Variants in SETD5 observed in about 807,000 individuals in gnomAD.
The protein encoded by SETD5 is SET domain containing 5, also known as histone-lysine N-methyltransferase SETD5.
A neutral mutation model predicts 153.3 loss-of-function variants in SETD5; 44 were observed. The observed-to-expected ratio is 0.29, with a 90% CI of 0.23 to 0.37. SETD5 has a LOEUF of 0.37. Ranked by LOEUF, SETD5 falls within the 10% of genes least tolerant of loss-of-function variation. SETD5 has a pLI of 1.00. For synonymous variants in SETD5, 716 were observed against 645.2 expected, an observed-to-expected ratio of 1.11 and a Z score of -1.66; for missense variants, 1,544 against 1,768.0, an observed-to-expected ratio of 0.87 and a Z score of 2.27.
At chr3:9,474,724 T>A in intron 21 of SETD5, 142 bp downstream of exon 21, 1 of 1,168,170 alleles carries the variant, frequency 8.6e-7, no homozygotes, top group Non-Finnish European at 1.2e-6. Context: ...AGCCCACTTA[T>A]GCTCATTTGG....
At chr3:9,433,430 C>T in intron 3 of SETD5, 1 of 1,289,906 alleles carries the variant, frequency 7.8e-7, no homozygotes, top group Non-Finnish European at 1.0e-6. Context: ...GCAGAAGGCA[C>T]TTTGATCATC....
At chr3:9,430,422 T>C (rs2039822550) in intron 3 of SETD5, 3 of 834,472 alleles carry the variant, frequency 3.6e-6, no homozygotes, top group Non-Finnish European at 4.3e-6. Flanking sequence ...TCTAGAGCTT[T>C]TTTCTTCTTT....
intron 16 of SETD5, among the ~76,000 whole-genome samples, chr3:9,451,837 T>G (rs1394758673): frequency 6.6e-6 from 1 of 152,194 alleles, no homozygotes; most frequent in African/African-American, 2.4e-5. Context: ...TTTAAAATAT[T>G]TATCCATCTT....
intron 7 of SETD5, chr3:9,436,851 C>G (rs1315115709): frequency 6.5e-7 from 1 of 1,549,992 alleles, no homozygotes; most frequent in Non-Finnish European, 8.7e-7. Context: ...TTGGGATAGG[C>G]ATTTCGAGAG....
intron 1 of SETD5, among the ~76,000 whole-genome samples, chr3:9,406,798 G>T (rs1404693012): frequency 1.3e-5 from 2 of 152,078 alleles, no homozygotes; most frequent in Non-Finnish European, 2.9e-5. Context: ...TTAGGATGGA[G>T]CTAAAAATTA....
intron 1 of SETD5, among the ~76,000 whole-genome samples, chr3:9,407,369 T>C (rs1157163944): frequency 6.6e-6 from 1 of 152,106 alleles, no homozygotes; most frequent in African/African-American, 2.4e-5. Flanking sequence ...ATGCCACTCT[T>C]ACTTAAACCC....
At chr3:9,436,093 A>G (rs1193699663) in intron 7 of SETD5, among the ~76,000 whole-genome samples, 187 bp downstream of exon 7, 10 of 152,070 alleles carry the variant, frequency 6.6e-5, no homozygotes, top group Admixed American at 6.5e-4. Context: ...GCCACACCAT[A>G]TCATCACCAC....
Position 9,473,370 on chromosome 3 carries a change from T to G in SETD5, c.3330T>G (p.Thr1110=). 1 of 1,613,960 alleles carries G rather than the reference T, an allele frequency of 6.2e-7. No homozygotes were observed. Among genetic ancestry groups the G allele is most frequent in the South Asian group, 1.1e-5 (1 of 91,076 alleles). The change falls in exon 20 of 23, where the codon ACT becomes ACG. Residue 1110 remains threonine, a synonymous_variant. Transcript: ENST00000402198. ...GQGSSNSVSD[T]GAHGVQGSSA... is the part of the protein sequence containing the mutation. The stretch of plus-strand genomic sequence containing the variant: ...GCAGCAGTAACTCCGTTTCCGACAC[T>G]GGTGCCCATGGTGTGCAGGGATCCT...
At chr3:9,419,754 G>A (rs1295656683) in intron 1 of SETD5, among the ~76,000 whole-genome samples, 1 of 151,914 alleles carries the variant, frequency 6.6e-6, no homozygotes, top group Non-Finnish European at 1.5e-5. Context: ...TTTGTTCATC[G>A]GTTGGAGAAA....
At chr3:9,414,816 T>C (rs1201306026) in intron 1 of SETD5, among the ~76,000 whole-genome samples, 14 of 145,064 alleles carry the variant, frequency 9.7e-5, no homozygotes, top group Admixed American at 4.2e-4. Context: ...GGAGCATGGA[T>C]TTTTTTTTTT....
intron 7 of SETD5, among the ~76,000 whole-genome samples, chr3:9,440,253 G>T (rs1356955915): frequency 6.6e-6 from 1 of 152,130 alleles, no homozygotes; most frequent in Non-Finnish European, 1.5e-5. Flanking sequence ...CCCATTTAAA[G>T]AAGTTATTCA....
intron 1 of SETD5, among the ~76,000 whole-genome samples, chr3:9,408,504 TTC>T (rs1186011059): frequency 1.3e-5 from 2 of 152,210 alleles, no homozygotes; most frequent in Non-Finnish European, 2.9e-5. Flanking sequence ...TCTTTATAGA[TTC>T]TGTTTTTTCC....
rs1559494068 is a variant in SETD5, at chr3:9,473,427, A to G, written c.3387A>G (p.Lys1129=). The change falls in exon 20 of 23, where the codon AAA becomes AAG. Residue 1129 remains lysine, a synonymous_variant. Coordinates refer to ENST00000402198, the MANE Select transcript of SETD5 (RefSeq NM_001080517.3). ...GAACTCCATCTTCCCCTCACAAAAAATTCTCCCCATCTCATTCCTCTATGT... is the reference window on the plus strand; with the variant it reads ...GAACTCCATCTTCCCCTCACAAAAAGTTCTCCCCATCTCATTCCTCTATGT... ...SARTPSSPHK[K]FSPSHSSMSH... is the part of the protein sequence containing the mutation. 1 of 1,613,906 alleles carries G rather than the reference A, an allele frequency of 6.2e-7. No homozygotes were observed.
At chr3:9,437,664 A>T (rs891473280) in intron 7 of SETD5, among the ~76,000 whole-genome samples, 1 of 152,132 alleles carries the variant, frequency 6.6e-6, no homozygotes, top group African/African-American at 2.4e-5. Flanking sequence ...AAATGATACA[A>T]AAGCAGGATC....
intron 1 of SETD5, among the ~76,000 whole-genome samples, chr3:9,410,366 T>C (rs1025031840): frequency 2.0e-5 from 3 of 152,254 alleles, no homozygotes; most frequent in East Asian, 3.8e-4. Flanking sequence ...AATGTCGTTA[T>C]GTGGCACATG....
At chr3:9,407,892 C>T (rs184911410) in intron 1 of SETD5, among the ~76,000 whole-genome samples, 6 of 151,834 alleles carry the variant, frequency 4.0e-5, no homozygotes, top group South Asian at 2.1e-4. Flanking sequence ...CCCAGCTACT[C>T]GGGAGGCTGA....
In SETD5 at chr3:9,476,658, C is replaced by T. The variant is rs1358558733; in HGVS notation, c.*567C>T. The T allele has an allele frequency of 6.5e-6, 1 of 152,868 alleles. No homozygotes were observed. The highest frequency in any genetic ancestry group is 1.5e-5 in the Non-Finnish European group (1 of 68,296). The allele number at this position is 152,868 out of a possible 1,614,324, so 9.5% of individuals were successfully genotyped here. On this transcript the variant is annotated 3_prime_UTR_variant, in exon 23 of 23. Transcript: ENST00000402198. ...CACCAAGAATACTGTTTATCTTTGT[C>T]TTAAGATCACCAAGAAATAGGCAAG...
chr3:9,477,679 ATT>A lies in SETD5; in HGVS notation c.*1609_*1610del, dbSNP rs58994037. 3.0e-3 allele frequency: 383 copies of A among 125,752 alleles called. No homozygotes were observed. The highest frequency in any genetic ancestry group is 9.3e-3 in the Middle Eastern group (2 of 216). The allele number at this position is 125,752 out of a possible 1,614,324, so 7.8% of individuals were successfully genotyped here. On this transcript the variant is annotated 3_prime_UTR_variant, in exon 23 of 23. Coordinates refer to ENST00000402198, the MANE Select transcript of SETD5 (RefSeq NM_001080517.3). Reference sequence around the variant, plus strand: ...CAGGTGTTTGCTCAAATGAGGGGAGATTTTTTTTTTTTTTTTTTTTTTAAATG... The same window carrying A: ...CAGGTGTTTGCTCAAATGAGGGGAGATTTTTTTTTTTTTTTTTTTTAAATG...
chr3:9,435,746 C>A lies in SETD5; in HGVS notation c.407C>A (p.Thr136Lys). The stretch of plus-strand genomic sequence containing the variant: ...TTTTCAGGTGGGGATAGCAGTGCAA[C>A]AGAAAGCTGGGATGAGGAGCTTTCT... Reference protein sequence around the residue: ...DNISGGDSSATESWDEELSPS... With the variant: ...DNISGGDSSAKESWDEELSPS... Residue 136 changes from threonine to lysine, a missense_variant, in exon 7 of 23, where the codon ACA becomes AAA. Thr to Lys is a moderately conservative substitution (Grantham distance 78). Around this residue, in one of 9 missense-constraint regions of SETD5, gnomAD observed 251 missense variants for 326.9 expected, o/e 0.77. Transcript: ENST00000402198. 6.3e-7 allele frequency: 1 copy of A among 1,597,526 alleles called. No individual in the cohort carries two copies. The highest frequency in any genetic ancestry group is 1.1e-5 in the South Asian group (1 of 87,058).
Sources: allele counts gnomAD v4.1 joint callset (sites outside exome capture counted in the v4.1 genomes callset), GRCh38; gene constraint gnomAD v4.1.1; regional missense constraint gnomAD v4.1.1; transcripts MANE v1.5; gene names NCBI Gene and HGNC (gene_info 2026-07-23, HGNC 2026-07-21).